The following MCPH1 variants were observed in gnomAD, a reference collection of about 807,000 sequenced individuals.
MCPH1 encodes the protein microcephalin.
MCPH1 carries 104 observed loss-of-function variants against 84.5 expected under a neutral mutation model. The ratio of observed to expected loss-of-function variants is 1.23; its 90% CI spans 1.05 to 1.45. The LOEUF (loss-of-function observed/expected upper bound fraction) is 1.45. Among genes scored for constraint, MCPH1 ranks in the 40% most tolerant of loss-of-function variants. The pLI is 0.00. For missense variants in MCPH1, 1,498 were observed against 1,005.7 expected (o/e 1.49, Z -6.62); for synonymous variants, 514 against 366.8 (o/e 1.40, Z -4.58).
At chr8:6,445,856 T>C in intron 8 of MCPH1, 1 of 1,090,526 alleles carries the variant, frequency 9.2e-7, no homozygotes. Context: ...GTCTTTTTCC[T>C]TATTCCATTG....
Position 6,643,540 on chromosome 8 carries a change from T to C in MCPH1, c.*491T>C, listed in dbSNP as rs187536990. ...CTCTTCTATAGAATTCCAGTCTTTG[T>C]GTCTTAGTCATGATCATAATTGAAA... On this transcript the variant is annotated 3_prime_UTR_variant, in exon 14 of 14. Coordinates refer to ENST00000344683, the MANE Select transcript of MCPH1 (RefSeq NM_024596.5). 1.7e-5 allele frequency: 3 copies of C among 179,376 alleles called. No homozygotes were observed. Among genetic ancestry groups the C allele is most frequent in the Admixed American group, 1.6e-4 (3 of 18,526 alleles). 11.1% of individuals were successfully genotyped at this position (179,376 alleles called of 1,614,324 possible). A position where few individuals can be genotyped will look rare whatever the true frequency, so the allele number is the denominator to read the frequency against.
At chr8:6,437,294 G>A (rs1272398575) in intron 5 of MCPH1, among the ~76,000 whole-genome samples, 2 of 151,922 alleles carry the variant, frequency 1.3e-5, no homozygotes, top group African/African-American at 4.8e-5. Context: ...GCAGTGGTGC[G>A]ATCTTGGCTC....
chr8:6,604,003 T>TG lies in MCPH1; in HGVS notation c.2215-17451_2215-17450insG, dbSNP rs1458518238. Among the ~76,000 whole-genome samples, 3 of 1,924 alleles carry TG rather than the reference T, an allele frequency of 1.6e-3. No individual in the cohort carries two copies. The Non-Finnish European group carries it at 0.052, about 33-fold the overall frequency. 1.3% of individuals were successfully genotyped at this position (1,924 alleles called of 152,430 possible). On this transcript the variant is annotated intron_variant, in intron 12 of 13. Transcript: ENST00000344683. ...AACAAATTATTTTATTCACTTTGAC[T>TG]TTTTTTTTTTTTAACCTGTCTGTGA...
chr8:6,522,509 C>G (rs992213503), intron 12 of MCPH1, among the ~76,000 whole-genome samples: 1 of 152,104 alleles, frequency 6.6e-6, no homozygotes, highest in African/African-American at 2.4e-5. Context: ...CTCAGTGGCT[C>G]ACACCTATAA....
intron 12 of MCPH1, among the ~76,000 whole-genome samples, chr8:6,570,988 A>G (rs1826612192): frequency 6.6e-6 from 1 of 152,048 alleles, no homozygotes; most frequent in South Asian, 2.1e-4. Flanking sequence ...CTTGGGAAAT[A>G]TCCAAGTAAC....
At position 6,444,793 on chromosome 8, in the gene MCPH1, A is replaced by C. The variant is rs748769264; in HGVS notation, c.1071A>C (p.Lys357Asn). ...CCAGGAGTTCCTCAGTAAAGAGAAA[A>C]AGAGTATCACATGGCTCCCATTCAC... ...SRPRSSSVKR[K>N]RVSHGSHSPP... Residue 357 changes from lysine to asparagine, a missense_variant, in exon 8 of 14, where the codon AAA becomes AAC. By Grantham distance (94) the Lys-to-Asn change is moderately conservative. Coordinates refer to ENST00000344683, the MANE Select transcript of MCPH1 (RefSeq NM_024596.5). 3 of 1,614,096 alleles carry C rather than the reference A, an allele frequency of 1.9e-6. No homozygotes were observed. In the East Asian group the frequency reaches 6.7e-5, roughly 36 times the overall value.
intron 12 of MCPH1, among the ~76,000 whole-genome samples, chr8:6,526,377 TAAGC>T (rs558311139): frequency 1.7e-3 from 253 of 150,306 alleles, no homozygotes; most frequent in African/African-American, 6.1e-3. Context: ...GAGGATGCAG[TAAGC>T]TGAGATGGCA....
At chr8:6,502,973 G>A in intron 12 of MCPH1, 2 of 1,073,408 alleles carry the variant, frequency 1.9e-6, no homozygotes, top group Admixed American at 2.6e-5. Flanking sequence ...GAGCATGTGG[G>A]TCCCGTCAGC....
At chr8:6,541,760 TTAGGGGGCCAAGG>T (rs1821620413) in intron 12 of MCPH1, among the ~76,000 whole-genome samples, 1 of 152,074 alleles carries the variant, frequency 6.6e-6, no homozygotes, top group African/African-American at 2.4e-5. Flanking sequence ...TCCCAATACT[TTAGGGGGCCAAGG>T]TAGGAGGATC....
At chr8:6,431,356 G>T in intron 3 of MCPH1, 143 bp from the exon 4 acceptor site, 1 of 649,294 alleles carries the variant, frequency 1.5e-6, no homozygotes, top group Non-Finnish European at 2.7e-6. Flanking sequence ...TTTTGTATTT[G>T]CAGTTGTATT....
intron 12 of MCPH1, chr8:6,508,680 C>G: frequency 1.7e-6 from 1 of 597,894 alleles, no homozygotes. Flanking sequence ...CAAATATCCC[C>G]TCTCCTTGCC....
intron 13 of MCPH1, among the ~76,000 whole-genome samples, chr8:6,639,008 G>A (rs1373959863): frequency 6.6e-6 from 1 of 152,236 alleles, no homozygotes; most frequent in Non-Finnish European, 1.5e-5. Context: ...GCATGTCCTA[G>A]AGCAGGCCAT....
intron 12 of MCPH1, chr8:6,519,767 A>G: frequency 6.8e-7 from 1 of 1,467,378 alleles, no homozygotes; most frequent in Admixed American, 1.8e-5. Context: ...GAGGCTGGGG[A>G]AGATCTTTGG....
intron 6 of MCPH1, 130 bp from the exon 7 acceptor site, chr8:6,441,937 A>T: frequency 1.5e-6 from 1 of 682,032 alleles, no homozygotes; most frequent in Non-Finnish European, 2.6e-6. Flanking sequence ...TGACTTTAAG[A>T]TCCCTTCTAA....
At chr8:6,484,614 C>CA (rs1324056100) in intron 11 of MCPH1, among the ~76,000 whole-genome samples, 1 of 152,230 alleles carries the variant, frequency 6.6e-6, no homozygotes, top group Non-Finnish European at 1.5e-5. Context: ...GACCTGGAAA[C>CA]AGCACAGCTG....
chr8:6,606,672 C>T (rs1318075660), intron 12 of MCPH1, among the ~76,000 whole-genome samples: 1 of 152,170 alleles, frequency 6.6e-6, no homozygotes, highest in Non-Finnish European at 1.5e-5. Flanking sequence ...GTGGCATCCA[C>T]AACAAAACTA....
At chr8:6,536,688 G>C (rs1038203264) in intron 12 of MCPH1, among the ~76,000 whole-genome samples, 8 of 152,122 alleles carry the variant, frequency 5.3e-5, no homozygotes, top group Admixed American at 2.0e-4. Context: ...TCCAAATAAA[G>C]ATGTCCCATT....
intron 11 of MCPH1, among the ~76,000 whole-genome samples, chr8:6,495,663 A>G (rs996289207): frequency 2.6e-5 from 4 of 152,204 alleles, no homozygotes; most frequent in African/African-American, 4.8e-5. Flanking sequence ...GTGTTTCTAC[A>G]CCTTCCATAA....
At chr8:6,415,005 C>G (rs1799065404) in intron 3 of MCPH1, 122 bp downstream of exon 3, 1 of 953,878 alleles carries the variant, frequency 1.0e-6, no homozygotes, top group Non-Finnish European at 1.5e-6. Context: ...TGCCTCTTAC[C>G]TCACCTAGTA....
Sources: gnomAD v4.1 joint callset for allele counts (sites outside exome capture counted in the v4.1 genomes callset) on GRCh38, gnomAD v4.1.1 for gene constraint, MANE v1.5 for transcripts, NCBI Gene and HGNC (gene_info 2026-07-23, HGNC 2026-07-21) for gene names.